The following PEMT variants were observed in gnomAD, a reference collection of about 807,000 sequenced individuals.
The protein encoded by PEMT is phospholipid methyltransferase.
PEMT carries 23 observed loss-of-function variants against 27.4 expected under a neutral mutation model. The ratio of observed to expected loss-of-function variants is 0.84; its 90% CI spans 0.60 to 1.19. The LOEUF (loss-of-function observed/expected upper bound fraction) is 1.19, where lower values mean the gene tolerates loss of function less well. Among genes scored for constraint, PEMT ranks in the 50% most tolerant of loss-of-function variants. The pLI, the probability that PEMT is intolerant of heterozygous loss-of-function variation, is 0.00. For missense variants in PEMT, 307 were observed against 310.1 expected (o/e 0.99, Z 0.07); for synonymous variants, 137 against 139.1 (o/e 0.98, Z 0.11).
rs534953760 is a variant in PEMT at position 17,512,649 on chromosome 17, G to A, written c.326C>T (p.Thr109Met). 77 of 1,532,036 alleles carry A rather than the reference G, an allele frequency of 5.0e-5. No homozygotes were observed. The Middle Eastern group carries it at 5.2e-4, about 10-fold the overall frequency. 94.9% of individuals were successfully genotyped at this position (1,532,036 alleles called of 1,614,324 possible). A position where few individuals can be genotyped will look rare whatever the true frequency, so the allele number is the denominator to read the frequency against. The change falls in exon 4 of 7, where the codon ACG becomes ATG. Residue 109 changes from threonine to methionine, a missense_variant. Transcript: ENST00000255389. This position sits in a 1 kb window ranked among gnomAD's most constrained non-coding sequence, Gnocchi z 6.3. ...CCTGGGCTGGCTCAGCATGGCCTGCGTGAAGCTGTGGGCAGGGGATGGAGA... is the reference window on the plus strand; with the variant it reads ...CCTGGGCTGGCTCAGCATGGCCTGCATGAAGCTGTGGGCAGGGGATGGAGA... ...LLNFLRSHCF[T>M]QAMLSQPRME...
chr17:17,537,213 T>C (rs1908538231), intron 2 of PEMT, among the ~76,000 whole-genome samples: 1 of 152,234 alleles, frequency 6.6e-6, no homozygotes, highest in African/African-American at 2.4e-5. Flanking sequence ...GGAGCCAGCA[T>C]GCTCAGAGTC....
intron 1 of PEMT, 160 bp downstream of exon 1, chr17:17,591,371 G>T: frequency 1.6e-6 from 1 of 629,422 alleles, no homozygotes; most frequent in South Asian, 2.0e-5. Context: ...ACCAGCCGGC[G>T]CTCCCGCACG....
At chr17:17,540,421 G>T (rs942413572) in intron 2 of PEMT, among the ~76,000 whole-genome samples, 1 of 152,208 alleles carries the variant, frequency 6.6e-6, no homozygotes, top group Non-Finnish European at 1.5e-5. Context: ...TGGCCAGCCA[G>T]CATGAGTTCT....
chr17:17,585,423 C>T (rs1365771661), intron 1 of PEMT, among the ~76,000 whole-genome samples: 1 of 152,166 alleles, frequency 6.6e-6, no homozygotes, highest in Non-Finnish European at 1.5e-5. Context: ...GACAAATCCA[C>T]AGTTCTTGTT....
Position 17,586,289 on chromosome 17 carries a change from A to AG in PEMT, c.96+5241_96+5242insC, listed in dbSNP as rs1555546200. ...GAAAGAAAGAAAGAAAGAAAGAAAG[A>AG]AAAAAAAAAACGCAGGTGGAAAATC... On this transcript the variant is annotated intron_variant, in intron 1 of 6. Coordinates refer to ENST00000255389, the MANE Select transcript of PEMT (RefSeq NM_148172.3). Among the ~76,000 whole-genome samples, 5 of 63,554 alleles carry AG rather than the reference A, an allele frequency of 7.9e-5. 1 individual carries two copies. The highest frequency in any genetic ancestry group is 7.6e-4 in the East Asian group (2 of 2,628). 41.7% of individuals were successfully genotyped at this position (63,554 alleles called of 152,430 possible).
intron 6 of PEMT, among the ~76,000 whole-genome samples, 176 bp downstream of exon 6, chr17:17,506,051 T>A (rs1905805490): frequency 6.6e-6 from 1 of 152,144 alleles, no homozygotes. Flanking sequence ...GGCTGCCTGC[T>A]GGGTCCTGCA....
At chr17:17,516,391 C>T (rs890482953) in intron 3 of PEMT, among the ~76,000 whole-genome samples, 2 of 151,398 alleles carry the variant, frequency 1.3e-5, no homozygotes, top group East Asian at 3.9e-4. Context: ...ATTTGAATAA[C>T]ACGTCACCTT....
chr17:17,569,334 A>G (rs977832520), intron 2 of PEMT, among the ~76,000 whole-genome samples: 5 of 152,154 alleles, frequency 3.3e-5, no homozygotes, highest in East Asian at 3.8e-4. Context: ...CCCCGGCCCA[A>G]TGGAGCGAGA....
intron 2 of PEMT, among the ~76,000 whole-genome samples, chr17:17,546,208 G>A (rs1313410691): frequency 6.6e-6 from 1 of 152,230 alleles, no homozygotes; most frequent in African/African-American, 2.4e-5. Flanking sequence ...GGCCAATGAA[G>A]CCATCACTAA....
intron 2 of PEMT, among the ~76,000 whole-genome samples, chr17:17,562,981 C>G (rs1910595287): frequency 6.6e-6 from 1 of 152,198 alleles, no homozygotes; most frequent in Non-Finnish European, 1.5e-5. Flanking sequence ...CAGACGCTCC[C>G]TTTTCCATGC....
chr17:17,508,252 GGGT>G (rs1906056469), intron 5 of PEMT: 1 of 153,030 alleles, frequency 6.5e-6, no homozygotes, highest in African/African-American at 2.4e-5. Context: ...GCCCCAGTGG[GGGT>G]GCTCCATGGC....
intron 4 of PEMT, among the ~76,000 whole-genome samples, chr17:17,511,349 G>GC (rs1392657157): frequency 2.0e-5 from 3 of 152,200 alleles, no homozygotes; most frequent in African/African-American, 4.8e-5. Flanking sequence ...GCCTGTGGGT[G>GC]CCCCCCACAG....
intron 2 of PEMT, among the ~76,000 whole-genome samples, chr17:17,569,322 AC>A (rs1208307187): frequency 6.6e-6 from 1 of 152,034 alleles, no homozygotes; most frequent in African/African-American, 2.4e-5. Context: ...TGCAGGAGCC[AC>A]CCCCGGCCCA....
chr17:17,578,566 GGT>G (rs1348575927), intron 1 of PEMT: 1 of 151,874 alleles, frequency 6.6e-6, no homozygotes, highest in African/African-American at 2.4e-5. Context: ...AAAATATTAT[GGT>G]GTCTCTCCAC....
chr17:17,527,786 G>A lies in PEMT; in HGVS notation c.205-5391C>T, dbSNP rs183398243. Among the ~76,000 whole-genome samples, 96 of 152,312 alleles carry A rather than the reference G, an allele frequency of 6.3e-4. No individual in the cohort carries two copies. In the East Asian group the frequency reaches 0.018, roughly 29 times the overall value. On this transcript the variant is annotated intron_variant, in intron 2 of 6. Transcript: ENST00000255389. ...AGTCTGTTGTGAAGCAGTGTCCCCA[G>A]GGAGAGGACAGGCAGACAGACCTGT...
upstream of PEMT, chr17:17,591,956 C>T: frequency 1.0e-6 from 1 of 985,480 alleles, no homozygotes; most frequent in Non-Finnish European, 1.2e-6. Context: ...GCACCCGAGC[C>T]TGTAACTGAC....
intron 2 of PEMT, among the ~76,000 whole-genome samples, chr17:17,559,092 C>A (rs112492063): frequency 2.0e-5 from 3 of 152,202 alleles, no homozygotes; most frequent in African/African-American, 7.2e-5. Context: ...TACGCTCCCC[C>A]CCATTTTTAC....
Position 17,573,344 on chromosome 17 carries a change from G to A in PEMT, c.204+3576C>T, listed in dbSNP as rs142057433. Reference sequence around the variant, plus strand: ...TAGCTGGGCTTGGTGGCAGGTCCCCGTAATCCCAGCTACTTGGGAGGCTGA... The same window carrying A: ...TAGCTGGGCTTGGTGGCAGGTCCCCATAATCCCAGCTACTTGGGAGGCTGA... On this transcript the variant is annotated intron_variant, in intron 2 of 6. Transcript: ENST00000255389. Among the ~76,000 whole-genome samples, 856 of 150,416 alleles carry A rather than the reference G, an allele frequency of 5.7e-3. 2 individuals are homozygous for A. Among genetic ancestry groups the A allele is most frequent in the Non-Finnish European group, 8.4e-3 (565 of 67,562 alleles).
chr17:17,551,385 G>A (rs892139887), intron 2 of PEMT, among the ~76,000 whole-genome samples: 1 of 152,210 alleles, frequency 6.6e-6, no homozygotes, highest in Non-Finnish European at 1.5e-5. Context: ...TGTCCCAGAG[G>A]CAAGGGGCAG....
Sources: allele counts gnomAD v4.1 joint callset (sites outside exome capture counted in the v4.1 genomes callset), GRCh38; gene constraint gnomAD v4.1.1; non-coding constraint Gnocchi (gnomAD v3.1); transcripts MANE v1.5; gene names NCBI Gene and HGNC (gene_info 2026-07-23, HGNC 2026-07-21).